Variants in RABGAP1L observed in about 807,000 individuals in gnomAD.
RABGAP1L encodes rab GTPase-activating protein 1-like.
Under a neutral mutation model 137.7 loss-of-function variants are expected in RABGAP1L, and 63 were observed. The observed-to-expected ratio is 0.46, with a 90% confidence interval of 0.37 to 0.56. RABGAP1L has a LOEUF of 0.56. RABGAP1L is among the 20% of genes least tolerant of loss of function. The probability of loss-of-function intolerance (pLI) is 0.00; values close to 1 mark genes in which losing one functional copy is unlikely to be tolerated. For missense variants in RABGAP1L, 1,095 were observed against 1,244.0 expected, an observed-to-expected ratio of 0.88 and a Z score of 1.80; for synonymous variants, 431 against 433.7, an observed-to-expected ratio of 0.99 and a Z score of 0.08.
chr1:174,606,694 G>C (rs2148191793), intron 13 of RABGAP1L, among the ~76,000 whole-genome samples: 1 of 152,238 alleles, frequency 6.6e-6, no homozygotes, highest in South Asian at 2.1e-4. Context: ...CCAAAATTCA[G>C]TTTTTCTGTG....
chr1:174,764,162 A>G (rs1685481359), intron 18 of RABGAP1L, among the ~76,000 whole-genome samples: 1 of 152,186 alleles, frequency 6.6e-6, no homozygotes, highest in Non-Finnish European at 1.5e-5. Context: ...TTATTGCTAG[A>G]TAATATTCCA....
intron 13 of RABGAP1L, among the ~76,000 whole-genome samples, chr1:174,484,983 G>T (rs544497944): frequency 6.6e-6 from 1 of 152,206 alleles, no homozygotes; most frequent in Admixed American, 6.5e-5. Flanking sequence ...CCGATACACG[G>T]ACATGAAATA....
chr1:174,685,226 G>A (rs200051173), intron 15 of RABGAP1L, among the ~76,000 whole-genome samples: 1 of 152,020 alleles, frequency 6.6e-6, no homozygotes, highest in East Asian at 1.9e-4. Flanking sequence ...AAAAAGTTTA[G>A]GAGTTGATGA....
At chr1:174,216,793 A>T (rs1409571895) in intron 1 of RABGAP1L, among the ~76,000 whole-genome samples, 2 of 152,116 alleles carry the variant, frequency 1.3e-5, no homozygotes, top group Non-Finnish European at 2.9e-5. Flanking sequence ...ATAATGAGAA[A>T]GTGATGGGGG....
chr1:174,241,385 ATTTG>A, intron 4 of RABGAP1L, 94 bp from the exon 5 acceptor site: 1 of 794,454 alleles, frequency 1.3e-6, no homozygotes, highest in Non-Finnish European at 1.9e-6. Context: ...TAGTAAAACT[ATTTG>A]TTCTTTTTTT....
intron 1 of RABGAP1L, among the ~76,000 whole-genome samples, chr1:174,190,096 G>T (rs1035024179): frequency 6.6e-6 from 1 of 151,896 alleles, no homozygotes; most frequent in African/African-American, 2.4e-5. Flanking sequence ...TGAGGTCAGG[G>T]GATGAAGACC....
chr1:174,832,573 G>A (rs1441684355), intron 19 of RABGAP1L, among the ~76,000 whole-genome samples: 3 of 147,814 alleles, frequency 2.0e-5, no homozygotes, highest in Non-Finnish European at 4.5e-5. Flanking sequence ...TAAGTGCTAT[G>A]AGCATGTTGC....
At chr1:174,214,098 G>A (rs1669106012) in intron 1 of RABGAP1L, among the ~76,000 whole-genome samples, 1 of 152,122 alleles carries the variant, frequency 6.6e-6, no homozygotes, top group African/African-American at 2.4e-5. Context: ...AAAACCTAAA[G>A]ACTCCACCAA....
intron 18 of RABGAP1L, among the ~76,000 whole-genome samples, chr1:174,767,813 G>A (rs1328647148): frequency 6.6e-6 from 1 of 152,168 alleles, no homozygotes; most frequent in Non-Finnish European, 1.5e-5. Flanking sequence ...AAAAAAAGGG[G>A]TTTATTGGAC....
intron 13 of RABGAP1L, among the ~76,000 whole-genome samples, chr1:174,552,068 T>G (rs1666581793): frequency 2.0e-5 from 3 of 152,222 alleles, no homozygotes; most frequent in Admixed American, 2.0e-4. Flanking sequence ...TATTTCTTCT[T>G]TTTTAAAAAA....
chr1:174,680,725 C>G (rs958153384), intron 14 of RABGAP1L, among the ~76,000 whole-genome samples: 1 of 152,046 alleles, frequency 6.6e-6, no homozygotes, highest in African/African-American at 2.4e-5. Context: ...AACCCCATCC[C>G]TACTAAAAAT....
At chr1:174,801,011 C>T (rs1341422170) in intron 18 of RABGAP1L, among the ~76,000 whole-genome samples, 1 of 152,130 alleles carries the variant, frequency 6.6e-6, no homozygotes, top group African/African-American at 2.4e-5. Flanking sequence ...GGTTTCTCTC[C>T]TAGAATGATT....
Position 174,551,001 on chromosome 1 carries a change from T to TATATATATAC in RABGAP1L, c.1711-86365_1711-86364insCATATATATA, listed in dbSNP as rs1666483122. ...ATATATACATATATATATATACACA[T>TATATATATAC]ATATATATATATATATATATACATA... On this transcript the variant is annotated intron_variant, in intron 13 of 25. Coordinates refer to ENST00000681986, the MANE Select transcript of RABGAP1L (RefSeq NM_001366446.1). 7.7e-4 allele frequency among the ~76,000 whole-genome samples: 74 copies of TATATATATAC among 95,888 alleles called. 10 individuals carry two copies. Among genetic ancestry groups the TATATATATAC allele is most frequent in the Middle Eastern group, 0.013 (2 of 156 alleles). 62.9% of individuals were successfully genotyped at this position (95,888 alleles called of 152,430 possible).
At chr1:174,518,052 G>T (rs1266196423) in intron 13 of RABGAP1L, among the ~76,000 whole-genome samples, 4 of 152,090 alleles carry the variant, frequency 2.6e-5, no homozygotes, top group Non-Finnish European at 5.9e-5. Flanking sequence ...TTCAACCATG[G>T]TCGTACATTA....
At chr1:174,554,554 G>A (rs1481583785) in intron 13 of RABGAP1L, among the ~76,000 whole-genome samples, 1 of 152,080 alleles carries the variant, frequency 6.6e-6, no homozygotes, top group East Asian at 1.9e-4. Context: ...AGTAAAATAT[G>A]CCATAATATG....
chr1:174,694,656 A>G (rs1325218763), intron 15 of RABGAP1L, among the ~76,000 whole-genome samples: 3 of 151,840 alleles, frequency 2.0e-5, no homozygotes, highest in Non-Finnish European at 4.4e-5. Context: ...GCCGCAATAA[A>G]CATACGTGTG....
At chr1:174,704,470 A>G (rs1679900441) in intron 17 of RABGAP1L, among the ~76,000 whole-genome samples, 1 of 152,232 alleles carries the variant, frequency 6.6e-6, no homozygotes, top group African/African-American at 2.4e-5. Flanking sequence ...GGCTTTAGTT[A>G]GTACTTGCCT....
chr1:174,184,503 C>T (rs549845596), intron 1 of RABGAP1L, among the ~76,000 whole-genome samples: 26 of 152,246 alleles, frequency 1.7e-4, no homozygotes, highest in African/African-American at 5.5e-4. Context: ...TATTTTGCAT[C>T]CCCACTAGCA....
At chr1:174,734,590 G>A (rs1323593371) in intron 17 of RABGAP1L, among the ~76,000 whole-genome samples, 1 of 152,098 alleles carries the variant, frequency 6.6e-6, no homozygotes, top group Non-Finnish European at 1.5e-5. Flanking sequence ...AAAGTCAGAT[G>A]CCATTTATTA....
Sources: allele counts gnomAD v4.1 joint callset (sites outside exome capture counted in the v4.1 genomes callset), GRCh38; gene constraint gnomAD v4.1.1; transcripts MANE v1.5; gene names NCBI Gene and HGNC (gene_info 2026-07-23, HGNC 2026-07-21).